The following SKAP1 variants were observed in gnomAD, a reference collection of about 807,000 sequenced individuals.
The protein encoded by SKAP1 is src kinase-associated phosphoprotein 1.
In SKAP1, 44 loss-of-function variants were observed where a neutral mutation model predicts 58.5. That is an observed-to-expected ratio of 0.75 (90% CI 0.59 to 0.97). The LOEUF is 0.97. SKAP1 is among the 50% of genes least tolerant of loss of function. The probability of loss-of-function intolerance (pLI) is 0.00; values close to 1 mark genes in which losing one functional copy is unlikely to be tolerated. For synonymous variants in SKAP1, 127 were observed against 149.7 expected (o/e 0.85, Z 1.11); for missense variants, 390 against 435.2 (o/e 0.90, Z 0.92).
chr17:48,252,734 GTGTGTGTGTGTGTGTGTGTGTA>G (rs1356349634), intron 4 of SKAP1, among the ~76,000 whole-genome samples: 6 of 149,738 alleles, frequency 4.0e-5, no homozygotes, highest in East Asian at 2.0e-4. Context: ...GTGTGTGTGT[GTGTGTGTGTGTGTGTGTGTGTA>G]TGTGCTCATG....
chr17:48,353,938 G>GGAAGAGGAAGAA (rs1555618731), intron 3 of SKAP1, among the ~76,000 whole-genome samples: 1 of 144,734 alleles, frequency 6.9e-6, no homozygotes, highest in African/African-American at 2.6e-5. Context: ...AAGAAGAAGA[G>GGAAGAGGAAGAA]GAAGAAGAAG....
intron 2 of SKAP1, among the ~76,000 whole-genome samples, chr17:48,371,507 T>C (rs1213404462): frequency 6.6e-6 from 1 of 151,628 alleles, no homozygotes; most frequent in African/African-American, 2.4e-5. Flanking sequence ...CAAACAACTG[T>C]AGCTATCCTC....
Position 48,405,450 on chromosome 17 carries a change from T to TTTCTTTCC in SKAP1, c.47-8666_47-8665insGGAAAGAA, listed in dbSNP as rs1441641292. ...CTTTCTTTCTTTCTTTCTTTCTTTCTTTTCTTTCTTTCTTTCCTTCCTTCC... is the reference window on the plus strand; with the variant it reads ...CTTTCTTTCTTTCTTTCTTTCTTTCTTTCTTTCCTTTCTTTCTTTCTTTCCTTCCTTCC... On this transcript the variant is annotated intron_variant, in intron 1 of 12. Transcript: ENST00000336915. Among the ~76,000 whole-genome samples, 182 of 94,050 alleles carry TTTCTTTCC rather than the reference T, an allele frequency of 1.9e-3. 1 individual carries two copies. Among genetic ancestry groups the TTTCTTTCC allele is most frequent in the African/African-American group, 6.3e-3 (161 of 25,576 alleles). The allele number at this position is 94,050 out of a possible 152,430, so 61.7% of individuals were successfully genotyped here.
intron 2 of SKAP1, among the ~76,000 whole-genome samples, chr17:48,366,144 G>A (rs1567885206): frequency 6.6e-6 from 1 of 152,170 alleles, no homozygotes; most frequent in Non-Finnish European, 1.5e-5. Flanking sequence ...AGCTTCTTCA[G>A]GGAAGAGTAT....
chr17:48,193,522 T>C (rs1322617048), intron 4 of SKAP1: 4 of 168,230 alleles, frequency 2.4e-5, no homozygotes, highest in Non-Finnish European at 4.8e-5. Context: ...GTGTACAAGG[T>C]ACTGTGTGGT....
At chr17:48,441,447 G>C in the SKAP1 span, among the ~76,000 whole-genome samples, 30 of 152,208 alleles carry the variant, frequency 2.0e-4, no homozygotes, top group South Asian at 3.3e-3. Flanking sequence ...GAGGGGAAGT[G>C]GGGGGAGGAT....
chr17:48,411,237 C>T (rs9898988), intron 1 of SKAP1, among the ~76,000 whole-genome samples: 53,323 of 151,170 alleles, frequency 0.35, 10,095 homozygotes, highest in African/African-American at 0.48. Context: ...CCATCTCTAC[C>T]AAAAATACAA....
intron 5 of SKAP1, 78 bp downstream of exon 5, chr17:48,189,345 T>A: frequency 1.7e-6 from 2 of 1,148,390 alleles, no homozygotes; most frequent in East Asian, 2.3e-5. Context: ...AGAGAAGGCA[T>A]CCAATGTGTT....
At chr17:48,145,504 T>C (rs1476767128) in intron 11 of SKAP1, among the ~76,000 whole-genome samples, 1 of 151,956 alleles carries the variant, frequency 6.6e-6, no homozygotes, top group Non-Finnish European at 1.5e-5. Context: ...ACAATGGGCA[T>C]GTTGCACAGC....
chr17:48,310,737 A>G (rs954723049), intron 4 of SKAP1, among the ~76,000 whole-genome samples: 4 of 152,080 alleles, frequency 2.6e-5, no homozygotes, highest in African/African-American at 9.7e-5. Context: ...AGAAAAAAAT[A>G]TTGATTTATG....
chr17:48,349,377 T>A (rs745513778), intron 3 of SKAP1, among the ~76,000 whole-genome samples: 18 of 152,194 alleles, frequency 1.2e-4, no homozygotes, highest in Non-Finnish European at 2.2e-4. Context: ...TAGAACTCTA[T>A]CTGCTTAGAG....
intron 11 of SKAP1, among the ~76,000 whole-genome samples, chr17:48,149,050 G>T (rs1484233671): frequency 6.6e-6 from 1 of 152,150 alleles, no homozygotes; most frequent in African/African-American, 2.4e-5. Flanking sequence ...TTCATTTGGG[G>T]TTGGAGCCTC....
chr17:48,219,853 C>A (rs1439092147), intron 4 of SKAP1, among the ~76,000 whole-genome samples: 3 of 152,170 alleles, frequency 2.0e-5, no homozygotes, highest in Non-Finnish European at 4.4e-5. Context: ...CAAAGTCATG[C>A]AAATGAGGGC....
intron 11 of SKAP1, among the ~76,000 whole-genome samples, chr17:48,139,069 C>T (rs562851402): frequency 5.3e-5 from 8 of 150,994 alleles, no homozygotes; most frequent in Non-Finnish European, 7.4e-5. Flanking sequence ...TTAGTAAAGA[C>T]GGTGTTTCAC....
chr17:48,383,398 T>A (rs2067240783), intron 2 of SKAP1, among the ~76,000 whole-genome samples: 1 of 152,156 alleles, frequency 6.6e-6, no homozygotes, highest in Non-Finnish European at 1.5e-5. Context: ...TTGTTCCCAG[T>A]CAGTGATACC....
chr17:48,180,023 C>T (rs767678610), intron 9 of SKAP1, 31 bp downstream of exon 9: 2 of 1,536,218 alleles, frequency 1.3e-6, no homozygotes, highest in South Asian at 2.5e-5. Flanking sequence ...CTGAAACTAG[C>T]ATAAGATAAT....
intron 2 of SKAP1, among the ~76,000 whole-genome samples, chr17:48,365,318 C>A (rs946670609): frequency 6.6e-6 from 1 of 152,128 alleles, no homozygotes; most frequent in African/African-American, 2.4e-5. Context: ...TATTTGGAAA[C>A]TAAATTGCAT....
rs376146720 is a variant in SKAP1 at position 48,190,760 on chromosome 17, C to G, written c.281-1260G>C. Among the ~76,000 whole-genome samples, 6 of 152,132 alleles carry G rather than the reference C, an allele frequency of 3.9e-5. No homozygotes were observed. In the East Asian group the frequency reaches 7.8e-4, roughly 20 times the overall value. On this transcript the variant is annotated intron_variant, in intron 4 of 12. Transcript: ENST00000336915. ...CAGCACTTTGTGGGGCTGAGGCAGG[C>G]AAATCACGAGGTCAGGAGTTTGAGA...
intron 11 of SKAP1, among the ~76,000 whole-genome samples, chr17:48,138,367 G>C (rs2063726398): frequency 6.6e-6 from 1 of 150,850 alleles, no homozygotes; most frequent in Non-Finnish European, 1.5e-5. Flanking sequence ...ATCACACCCG[G>C]CTATTTTTTT....
Sources: gnomAD v4.1 joint callset for allele counts (sites outside exome capture counted in the v4.1 genomes callset) on GRCh38, gnomAD v4.1.1 for gene constraint, MANE v1.5 for transcripts, NCBI Gene and HGNC (gene_info 2026-07-23, HGNC 2026-07-21) for gene names.